The following CCDC91 variants were observed in gnomAD, a reference collection of about 807,000 sequenced individuals.
CCDC91 encodes the protein coiled-coil domain containing 91.
In CCDC91, 48 loss-of-function variants were observed where a neutral mutation model predicts 63.2. The ratio of observed to expected loss-of-function variants is 0.76; its 90% CI spans 0.60 to 0.97. The LOEUF (loss-of-function observed/expected upper bound fraction) is 0.97. Among genes scored for constraint, CCDC91 ranks in the 50% least tolerant of loss-of-function variants. The pLI, the probability that CCDC91 is intolerant of heterozygous loss-of-function variation, is 0.00. For synonymous variants in CCDC91, 167 were observed against 165.8 expected, an observed-to-expected ratio of 1.01 and a Z score of -0.06; for missense variants, 500 against 494.6, an observed-to-expected ratio of 1.01 and a Z score of -0.10.
At chr12:28,427,108 C>G (rs1331427905) in intron 8 of CCDC91, among the ~76,000 whole-genome samples, 1 of 152,106 alleles carries the variant, frequency 6.6e-6, no homozygotes, top group Non-Finnish European at 1.5e-5. Flanking sequence ...TACCACAGCC[C>G]TCTTGTTTTG....
At chr12:28,346,037 A>T (rs1175030699) in intron 6 of CCDC91, among the ~76,000 whole-genome samples, 5 of 151,422 alleles carry the variant, frequency 3.3e-5, no homozygotes, top group Admixed American at 6.6e-5. Context: ...TTTTTTGGCT[A>T]ATTTTTATTG....
chr12:28,301,435 ATT>A lies in CCDC91; in HGVS notation c.110-4211_110-4210del, dbSNP rs1407354661. Among the ~76,000 whole-genome samples the A allele has an allele frequency of 8.1e-4, 123 of 151,666 alleles. 2 individuals are homozygous for A. Among genetic ancestry groups the A allele is most frequent in the African/African-American group, 2.8e-3 (118 of 41,512 alleles). ...AAGTTCTATTGGTTCATTACATATC[ATT>A]TTAATATGGTGCTGGATTCATTTTT... is the stretch of plus-strand genomic sequence containing the variant. On this transcript the variant is annotated intron_variant, in intron 3 of 12. Coordinates refer to ENST00000536442, the MANE Select transcript of CCDC91 (RefSeq NM_018318.5).
chr12:28,477,597 G>A (rs1451400474), intron 11 of CCDC91, among the ~76,000 whole-genome samples: 1 of 152,152 alleles, frequency 6.6e-6, no homozygotes, highest in Non-Finnish European at 1.5e-5. Context: ...ATTGAACATA[G>A]TGTTGGAAGT....
intron 12 of CCDC91, among the ~76,000 whole-genome samples, chr12:28,507,086 C>T (rs191465742): frequency 7.9e-5 from 12 of 152,038 alleles, no homozygotes; most frequent in Non-Finnish European, 1.8e-4. Flanking sequence ...TAGTGAAGCA[C>T]AGTCTTGAGC....
chr12:28,402,381 A>G (rs1433190214), intron 8 of CCDC91, among the ~76,000 whole-genome samples: 1 of 152,164 alleles, frequency 6.6e-6, no homozygotes, highest in African/African-American at 2.4e-5. Context: ...AAATGTTTCA[A>G]TTAGAAGGAT....
chr12:28,392,442 G>A (rs555180211), intron 8 of CCDC91, among the ~76,000 whole-genome samples: 59 of 152,248 alleles, frequency 3.9e-4, no homozygotes, highest in African/African-American at 1.4e-3. Context: ...TAATTGCGAC[G>A]TGGAACATTA....
At chr12:28,351,451 G>A (rs189609712) in intron 6 of CCDC91, among the ~76,000 whole-genome samples, 4 of 152,296 alleles carry the variant, frequency 2.6e-5, no homozygotes, top group Admixed American at 2.6e-4. Flanking sequence ...CTACAGTTTG[G>A]TGAGTTTCTG....
At chr12:28,498,556 G>A (rs1952440403) in intron 12 of CCDC91, among the ~76,000 whole-genome samples, 2 of 151,552 alleles carry the variant, frequency 1.3e-5, no homozygotes, top group African/African-American at 2.4e-5. Context: ...ATCAATAGGT[G>A]AAAAAGCCTA....
At chr12:28,215,448 C>T (rs1208824105) in intron 1 of CCDC91, among the ~76,000 whole-genome samples, 10 of 152,066 alleles carry the variant, frequency 6.6e-5, no homozygotes, top group Non-Finnish European at 1.3e-4. Flanking sequence ...TTGATTATTT[C>T]CTCTTCCAGT....
chr12:28,292,623 G>GTT (rs562298730), intron 3 of CCDC91, among the ~76,000 whole-genome samples: 10 of 147,220 alleles, frequency 6.8e-5, no homozygotes, highest in African/African-American at 2.2e-4. Flanking sequence ...TGATGACTAA[G>GTT]TTTTTTTTTT....
At chr12:28,475,196 T>G (rs1356305967) in intron 11 of CCDC91, among the ~76,000 whole-genome samples, 9 of 152,148 alleles carry the variant, frequency 5.9e-5, no homozygotes, top group Non-Finnish European at 1.5e-5. Context: ...TTTATCTGAC[T>G]TGGAAGTCAA....
chr12:28,483,508 G>C (rs1951553448), intron 11 of CCDC91, among the ~76,000 whole-genome samples: 1 of 151,968 alleles, frequency 6.6e-6, no homozygotes, highest in Admixed American at 6.6e-5. Context: ...TCCCTCCCTA[G>C]ATCTCTCATT....
intron 6 of CCDC91, among the ~76,000 whole-genome samples, chr12:28,338,282 A>G (rs2137895162): frequency 6.9e-6 from 1 of 144,668 alleles, no homozygotes; most frequent in Admixed American, 6.9e-5. Flanking sequence ...TTATGTACTT[A>G]TCACAGACTT....
intron 1 of CCDC91, among the ~76,000 whole-genome samples, chr12:28,195,354 GAT>G (rs1485045382): frequency 4.6e-5 from 7 of 152,064 alleles, no homozygotes; most frequent in Non-Finnish European, 8.8e-5. Context: ...CACAGACTCT[GAT>G]TGGTGCATTT....
chr12:28,373,737 T>C (rs1295406099), intron 7 of CCDC91, among the ~76,000 whole-genome samples: 3 of 152,156 alleles, frequency 2.0e-5, no homozygotes, highest in Non-Finnish European at 4.4e-5. Context: ...CTTCCAAATC[T>C]CATCTTGAAT....
At chr12:28,541,160 G>C (rs1263057772) in intron 12 of CCDC91, among the ~76,000 whole-genome samples, 1 of 152,142 alleles carries the variant, frequency 6.6e-6, no homozygotes. Context: ...CACACCGATA[G>C]ATAACTAATA....
At chr12:28,397,786 A>G (rs1946378721) in intron 8 of CCDC91, among the ~76,000 whole-genome samples, 1 of 152,100 alleles carries the variant, frequency 6.6e-6, no homozygotes, top group Non-Finnish European at 1.5e-5. Flanking sequence ...ATATATATAA[A>G]ATGCTACCAA....
intron 6 of CCDC91, among the ~76,000 whole-genome samples, chr12:28,339,038 A>G (rs1942222542): frequency 6.6e-6 from 1 of 151,968 alleles, no homozygotes; most frequent in African/African-American, 2.4e-5. Flanking sequence ...ACAGGGTTTC[A>G]CCATGTTGGC....
chr12:28,539,560 T>C (rs1942473065), intron 12 of CCDC91, among the ~76,000 whole-genome samples: 1 of 152,204 alleles, frequency 6.6e-6, no homozygotes, highest in African/African-American at 2.4e-5. Context: ...AGCTTTGTTC[T>C]TTTGGCTTAG....
Sources: allele counts gnomAD v4.1 joint callset (sites outside exome capture counted in the v4.1 genomes callset), GRCh38; gene constraint gnomAD v4.1.1; transcripts MANE v1.5; gene names NCBI Gene and HGNC (gene_info 2026-07-23, HGNC 2026-07-21).